Variants in CFAP92 observed in about 807,000 individuals in gnomAD.
CFAP92 encodes uncharacterized protein CFAP92.
A neutral mutation model predicts 106.3 loss-of-function variants in CFAP92; 86 were observed. The ratio of observed to expected loss-of-function variants is 0.81; its 90% CI spans 0.68 to 0.97. The LOEUF is 0.97. Ranked by LOEUF, CFAP92 falls within the 50% of genes least tolerant of loss-of-function variation. The pLI is 0.00. For synonymous variants in CFAP92, 477 were observed against 506.4 expected, an observed-to-expected ratio of 0.94 and a Z score of 0.78; for missense variants, 1,204 against 1,283.8, an observed-to-expected ratio of 0.94 and a Z score of 0.95.
intron 12 of CFAP92, among the ~76,000 whole-genome samples, chr3:128,930,046 A>AT (rs1482592993): frequency 1.3e-5 from 2 of 152,188 alleles, no homozygotes; most frequent in Non-Finnish European, 2.9e-5. Context: ...TAGGAACATG[A>AT]TTTTTTAAAA....
rs1936708172 is a variant in CFAP92, at chr3:128,915,216, C to T, written c.3183G>A (p.Arg1061=). ...CCACGTGGTGCCTGTCCCAGCTCCACCTGTCTCGATCCAACACAGGCTCCA... is the reference window on the plus strand; with the variant it reads ...CCACGTGGTGCCTGTCCCAGCTCCATCTGTCTCGATCCAACACAGGCTCCA... The part of the protein sequence containing the change: ...NVLEPVLDRD[R]WSWDRHHVDF... Residue 1061 remains arginine (R), a synonymous_variant, in exon 15 of 16, where the codon AGG becomes AGA. Coordinates refer to ENST00000645291, the MANE Select transcript of CFAP92 (RefSeq NM_001394090.1). 3.9e-6 allele frequency: 6 copies of T among 1,536,048 alleles called. No homozygotes were observed. The African/African-American group carries it at 6.8e-5, about 18-fold the overall frequency.
chr3:128,952,475 A>G (rs571344488), intron 9 of CFAP92, among the ~76,000 whole-genome samples: 61 of 152,328 alleles, frequency 4.0e-4, no homozygotes, highest in African/African-American at 1.4e-3. Context: ...TCATACCAGA[A>G]AAATCAACTT....
intron 2 of CFAP92, chr3:128,991,708 T>G (rs1944228720): frequency 2.0e-6 from 2 of 983,410 alleles, no homozygotes; most frequent in Non-Finnish European, 2.5e-6. Flanking sequence ...AGGCGTTCAT[T>G]GAAACAGCAT....
chr3:128,975,700 G>A (rs1943110303), intron 7 of CFAP92, 79 bp downstream of exon 7: 1 of 1,170,476 alleles, frequency 8.5e-7, no homozygotes, highest in Non-Finnish European at 1.2e-6. Context: ...TCTCATTGAA[G>A]TATCCTGAAT....
chr3:128,935,197 T>C lies in CFAP92; in HGVS notation c.2381A>G (p.Glu794Gly), dbSNP rs529576600. Residue 794 changes from glutamate to glycine, a missense_variant, in exon 11 of 16, where the codon GAG (glutamate) becomes GGG (glycine). By Grantham distance (98) the Glu-to-Gly change is moderately conservative. Coordinates refer to ENST00000645291, the MANE Select transcript of CFAP92 (RefSeq NM_001394090.1). ...LYHVHLFQPT[E>G]LLLQQAVFFL... Reference sequence around the variant, plus strand: ...GAACACCGCCTGCTGCAGCAGCAGCTCCGTGGGCTGGAAGAGGTGCACGTG... The same window carrying C: ...GAACACCGCCTGCTGCAGCAGCAGCCCCGTGGGCTGGAAGAGGTGCACGTG... 26 of 1,536,048 alleles carry C rather than the reference T, an allele frequency of 1.7e-5. No individual in the cohort carries two copies. The South Asian group carries it at 2.4e-4, about 14-fold the overall frequency.
chr3:128,911,301 G>T (rs182969214), intron 15 of CFAP92, among the ~76,000 whole-genome samples: 1 of 152,174 alleles, frequency 6.6e-6, no homozygotes, highest in East Asian at 1.9e-4. Context: ...CAGGTGATCT[G>T]CCTGCCTCAG....
chr3:128,931,203 T>C (rs1938325760), intron 12 of CFAP92, among the ~76,000 whole-genome samples: 2 of 152,070 alleles, frequency 1.3e-5, no homozygotes, highest in Admixed American at 1.3e-4. Context: ...CTGTGCCGCA[T>C]TGAGACAGGG....
chr3:128,958,751 ACTAG>A, intron 9 of CFAP92, among the ~76,000 whole-genome samples: 1 of 151,940 alleles, frequency 6.6e-6, no homozygotes, highest in Middle Eastern at 3.4e-3. Context: ...AAATACAAAA[ACTAG>A]CTGGGTGTGG....
At chr3:128,993,915 G>A in intron 1 of CFAP92, 65 bp downstream of exon 1, 1 of 975,524 alleles carries the variant, frequency 1.0e-6, no homozygotes, top group Non-Finnish European at 1.2e-6. Context: ...GGCGGGAAGA[G>A]TCCCGGGCTG....
chr3:128,996,422 C>T (rs1043966710), upstream of CFAP92, among the ~76,000 whole-genome samples: 1 of 152,056 alleles, frequency 6.6e-6, no homozygotes, highest in African/African-American at 2.4e-5. Context: ...TATTGCACAA[C>T]CAGAATATGG....
intron 1 of CFAP92, chr3:129,002,495 C>T: frequency 7.8e-7 from 1 of 1,274,786 alleles, no homozygotes. Context: ...TGTTCCTCCC[C>T]ATTCCACTCC....
At chr3:129,009,165 TCTCTC>T in the CFAP92 span, among the ~76,000 whole-genome samples, 1 of 152,180 alleles carries the variant, frequency 6.6e-6, no homozygotes, top group Non-Finnish European at 1.5e-5. Flanking sequence ...CCACCTTTCT[TCTCTC>T]CTCTGTTTTC....
intron 9 of CFAP92, among the ~76,000 whole-genome samples, chr3:128,959,329 C>A (rs537490628): frequency 3.3e-5 from 5 of 152,238 alleles, no homozygotes; most frequent in East Asian, 1.9e-4. Context: ...GATGATGGAA[C>A]AATGCCTTCA....
chr3:129,009,121 G>C, the CFAP92 span, among the ~76,000 whole-genome samples: 57 of 152,302 alleles, frequency 3.7e-4, no homozygotes, highest in African/African-American at 1.3e-3. Context: ...AGGTGTTTCA[G>C]TGGCACTTCT....
At chr3:128,919,656 TTC>T (rs1182153787) in intron 12 of CFAP92, among the ~76,000 whole-genome samples, 1 of 152,166 alleles carries the variant, frequency 6.6e-6, no homozygotes, top group Non-Finnish European at 1.5e-5. Flanking sequence ...TTTTGCAGTT[TTC>T]TCTCAAGGGA....
intron 12 of CFAP92, among the ~76,000 whole-genome samples, chr3:128,930,092 T>C (rs1457823782): frequency 3.3e-5 from 5 of 152,106 alleles, no homozygotes; most frequent in African/African-American, 1.2e-4. Flanking sequence ...TTTAGCAAAT[T>C]TGTAAGAGAT....
the CFAP92 span, among the ~76,000 whole-genome samples, chr3:129,018,053 AG>A: frequency 6.6e-6 from 1 of 152,194 alleles, no homozygotes; most frequent in Non-Finnish European, 1.5e-5. Flanking sequence ...GCCATACAAG[AG>A]GGTCCCTGTG....
the CFAP92 span, among the ~76,000 whole-genome samples, chr3:129,019,223 A>G: frequency 1.3e-5 from 2 of 152,326 alleles, no homozygotes; most frequent in East Asian, 3.9e-4. Flanking sequence ...CTAGGTCACA[A>G]GGGTATTCTG....
At chr3:128,961,680 C>T (rs148644138) in intron 9 of CFAP92, among the ~76,000 whole-genome samples, 76 of 152,292 alleles carry the variant, frequency 5.0e-4, no homozygotes, top group Middle Eastern at 3.4e-3. Flanking sequence ...AACCCTGAGA[C>T]GCTTTACAGC....
Sources: allele counts gnomAD v4.1 joint callset (sites outside exome capture counted in the v4.1 genomes callset), GRCh38; gene constraint gnomAD v4.1.1; transcripts MANE v1.5; gene names NCBI Gene and HGNC (gene_info 2026-07-23, HGNC 2026-07-21).